Variants in SDHAF3 observed in about 807,000 individuals in gnomAD.
SDHAF3 encodes succinate dehydrogenase complex assembly factor 3.
SDHAF3 carries 18 observed loss-of-function variants against 11.5 expected under a neutral mutation model. The observed-to-expected ratio is 1.56, with a 90% confidence interval of 1.08 to 2.32. SDHAF3 has a LOEUF of 2.32. Ranked by LOEUF, SDHAF3 falls within the 30% of genes most tolerant of loss-of-function variation. The pLI, the probability that SDHAF3 is intolerant of heterozygous loss-of-function variation, is 0.00. For missense variants in SDHAF3, 200 were observed against 154.4 expected (o/e 1.30, Z -1.57); for synonymous variants, 72 against 59.3 (o/e 1.21, Z -0.99).
At chr7:97,140,955 A>G (rs1789026768) in intron 1 of SDHAF3, among the ~76,000 whole-genome samples, 1 of 152,240 alleles carries the variant, frequency 6.6e-6, no homozygotes, top group Non-Finnish European at 1.5e-5. Context: ...TCAAAAGCAA[A>G]TGGGAGAAAT....
chr7:97,179,066 T>G (rs1455491988), intron 1 of SDHAF3, among the ~76,000 whole-genome samples: 1 of 152,190 alleles, frequency 6.6e-6, no homozygotes, highest in Non-Finnish European at 1.5e-5. Flanking sequence ...GGAAATTCAG[T>G]TTTCCCAGCA....
At chr7:97,166,992 C>A (rs1224213950) in intron 1 of SDHAF3, among the ~76,000 whole-genome samples, 1 of 151,646 alleles carries the variant, frequency 6.6e-6, no homozygotes, top group Non-Finnish European at 1.5e-5. Context: ...TTTGACTGAT[C>A]TAGGCACTTT....
chr7:97,147,820 G>A (rs2115684083), intron 1 of SDHAF3, among the ~76,000 whole-genome samples: 1 of 152,228 alleles, frequency 6.6e-6, no homozygotes, highest in East Asian at 1.9e-4. Flanking sequence ...TAAGAACATT[G>A]TTTCTTACTT....
intron 1 of SDHAF3, among the ~76,000 whole-genome samples, chr7:97,176,238 G>C (rs1466277396): frequency 2.0e-5 from 3 of 152,164 alleles, no homozygotes; most frequent in Admixed American, 2.0e-4. Flanking sequence ...ATACTCAAAA[G>C]TGTCTCTCTT....
chr7:97,170,632 C>CTTAG (rs1327371522), intron 1 of SDHAF3, among the ~76,000 whole-genome samples: 1 of 152,134 alleles, frequency 6.6e-6, no homozygotes, highest in Non-Finnish European at 1.5e-5. Flanking sequence ...TTACTACTTC[C>CTTAG]TTAGCCAAGA....
At chr7:97,121,551 A>G (rs1012059864) in intron 1 of SDHAF3, among the ~76,000 whole-genome samples, 1 of 152,212 alleles carries the variant, frequency 6.6e-6, no homozygotes, top group African/African-American at 2.4e-5. Context: ...TTGATCACTT[A>G]CTATTTCCAG....
chr7:97,119,675 A>G (rs546913158), intron 1 of SDHAF3, among the ~76,000 whole-genome samples: 31 of 152,280 alleles, frequency 2.0e-4, no homozygotes, highest in Non-Finnish European at 3.5e-4. Context: ...CCAGGATCCA[A>G]TGGGGATTCT....
At chr7:97,143,841 G>GTAGA (rs1789094316) in intron 1 of SDHAF3, among the ~76,000 whole-genome samples, 1 of 152,100 alleles carries the variant, frequency 6.6e-6, no homozygotes, top group Non-Finnish European at 1.5e-5. Flanking sequence ...TTTCCTCTGG[G>GTAGA]TAGATACCCA....
intron 1 of SDHAF3, among the ~76,000 whole-genome samples, chr7:97,132,280 T>C (rs531137775): frequency 3.9e-5 from 6 of 152,320 alleles, no homozygotes; most frequent in African/African-American, 1.4e-4. Flanking sequence ...GTTTAATAAA[T>C]GTTAATGTCA....
intron 1 of SDHAF3, among the ~76,000 whole-genome samples, chr7:97,175,913 T>TAA (rs774306121): frequency 5.9e-5 from 9 of 152,198 alleles, no homozygotes; most frequent in Non-Finnish European, 1.2e-4. Flanking sequence ...GAGGCCTAAT[T>TAA]AAAGAGTGAG....
chr7:97,177,049 ATATATTTT>A (rs1296749193), intron 1 of SDHAF3, among the ~76,000 whole-genome samples: 1 of 152,030 alleles, frequency 6.6e-6, no homozygotes, highest in Non-Finnish European at 1.5e-5. Context: ...TAAATGATAT[ATATATTTT>A]TAAACTTTTA....
At chr7:97,174,018 T>A (rs1334102004) in intron 1 of SDHAF3, among the ~76,000 whole-genome samples, 4 of 151,700 alleles carry the variant, frequency 2.6e-5, no homozygotes, top group Admixed American at 2.6e-4. Flanking sequence ...CTCCTGGTTT[T>A]AAGCAATTCT....
intron 1 of SDHAF3, among the ~76,000 whole-genome samples, chr7:97,151,891 C>T (rs1789230207): frequency 6.6e-6 from 1 of 152,104 alleles, no homozygotes; most frequent in African/African-American, 2.4e-5. Flanking sequence ...CTTGCATCCA[C>T]TGGTTCCCTG....
chr7:97,176,968 G>T (rs1355436564), intron 1 of SDHAF3, among the ~76,000 whole-genome samples: 2 of 152,024 alleles, frequency 1.3e-5, no homozygotes, highest in African/African-American at 2.4e-5. Flanking sequence ...TTACTCCTCA[G>T]AGGTAATCAG....
intron 1 of SDHAF3, among the ~76,000 whole-genome samples, chr7:97,177,458 C>T (rs781423380): frequency 3.9e-5 from 6 of 151,962 alleles, no homozygotes; most frequent in South Asian, 2.1e-4. Context: ...GCCGAGATCG[C>T]GCCACTGCAC....
intron 1 of SDHAF3, among the ~76,000 whole-genome samples, chr7:97,128,647 TTATA>T (rs1292658388): frequency 1.3e-5 from 2 of 152,056 alleles, no homozygotes; most frequent in Non-Finnish European, 2.9e-5. Flanking sequence ...GTGATAAAAA[TTATA>T]TATGCATGAA....
chr7:97,173,668 T>C (rs1584234979), intron 1 of SDHAF3, among the ~76,000 whole-genome samples: 1 of 151,290 alleles, frequency 6.6e-6, no homozygotes, highest in African/African-American at 2.4e-5. Context: ...GTCTCCTGCC[T>C]CAGCCTCCCG....
At chr7:97,122,510 T>A (rs1435015917) in intron 1 of SDHAF3, among the ~76,000 whole-genome samples, 5 of 152,070 alleles carry the variant, frequency 3.3e-5, no homozygotes. Flanking sequence ...ATGAGGTTTT[T>A]TTTTTTTTTC....
At chr7:97,149,350 C>T (rs912162800) in intron 1 of SDHAF3, among the ~76,000 whole-genome samples, 1 of 152,026 alleles carries the variant, frequency 6.6e-6, no homozygotes, top group African/African-American at 2.4e-5. Context: ...ACTCAAGATA[C>T]ACTTTTTTTT....
Sources: allele counts gnomAD v4.1 joint callset (sites outside exome capture counted in the v4.1 genomes callset), GRCh38; gene constraint gnomAD v4.1.1; transcripts MANE v1.5; gene names NCBI Gene and HGNC (gene_info 2026-07-23, HGNC 2026-07-21).